FAM13A: variants seen among roughly 807,000 people sequenced by gnomAD.
The protein encoded by FAM13A is protein FAM13A.
Under a neutral mutation model 129.6 loss-of-function variants are expected in FAM13A, and 76 were observed. The observed-to-expected ratio is 0.59, with a 90% CI of 0.49 to 0.71. The LOEUF is 0.71. FAM13A is among the 30% of genes least tolerant of loss of function. The probability of loss-of-function intolerance (pLI) is 0.00; values close to 1 mark genes in which losing one functional copy is unlikely to be tolerated. For synonymous variants in FAM13A, 443 were observed against 449.9 expected (o/e 0.98, Z 0.20); for missense variants, 1,108 against 1,249.3 (o/e 0.89, Z 1.70).
chr4:88,819,309 A>G (rs1337572252), intron 7 of FAM13A, among the ~76,000 whole-genome samples: 2 of 152,240 alleles, frequency 1.3e-5, no homozygotes, highest in Non-Finnish European at 2.9e-5. Flanking sequence ...ATCAATCATC[A>G]GCACTCACAG....
intron 11 of FAM13A, 74 bp downstream of exon 11, chr4:88,781,091 A>G: frequency 9.2e-7 from 1 of 1,089,122 alleles, no homozygotes; most frequent in Non-Finnish European, 1.3e-6. Flanking sequence ...AATTACTTTT[A>G]ATTTTTTTAC....
At chr4:88,777,163 G>A (rs1226250016) in intron 11 of FAM13A, among the ~76,000 whole-genome samples, 1 of 152,176 alleles carries the variant, frequency 6.6e-6, no homozygotes, top group Non-Finnish European at 1.5e-5. Flanking sequence ...AGCCAATAGA[G>A]AGGAAGTGTG....
chr4:88,966,497 T>C (rs927609247), intron 4 of FAM13A, among the ~76,000 whole-genome samples: 15 of 152,196 alleles, frequency 9.9e-5, no homozygotes, highest in African/African-American at 3.6e-4. Flanking sequence ...AGCAGAACCA[T>C]GGTTAATCCT....
chr4:88,951,525 G>C (rs1756949556), intron 4 of FAM13A, among the ~76,000 whole-genome samples: 1 of 152,098 alleles, frequency 6.6e-6, no homozygotes, highest in African/African-American at 2.4e-5. Flanking sequence ...TTTACCAAAG[G>C]TGATTAGGAT....
intron 2 of FAM13A, among the ~76,000 whole-genome samples, chr4:89,024,431 T>C (rs1767671201): frequency 6.6e-6 from 1 of 152,218 alleles, no homozygotes; most frequent in African/African-American, 2.4e-5. Context: ...ATCCAAAATC[T>C]GCTTAAAGGG....
rs1253094568 is a variant in FAM13A at position 88,843,904 on chromosome 4, A to G, written c.1007+7116T>C. 2.0e-5 allele frequency among the ~76,000 whole-genome samples: 3 copies of G among 152,304 alleles called. No individual in the cohort carries two copies. The East Asian group carries it at 5.8e-4, about 29-fold the overall frequency. ...GCACGGCTGTCCTGGCTTCTGTAGT[A>G]TCTCTAAGGGTGGGCAGTACAGGGT... On this transcript the variant is annotated intron_variant, in intron 7 of 23. Transcript: ENST00000264344.
chr4:88,877,674 T>G (rs1005418262), intron 6 of FAM13A, among the ~76,000 whole-genome samples: 2 of 152,228 alleles, frequency 1.3e-5, no homozygotes, highest in Admixed American at 1.3e-4. Flanking sequence ...GGTTTTTGCT[T>G]TGTTGCAATG....
chr4:88,977,351 A>G (rs1040443476), intron 4 of FAM13A, among the ~76,000 whole-genome samples: 1 of 152,178 alleles, frequency 6.6e-6, no homozygotes, highest in Non-Finnish European at 1.5e-5. Context: ...GAAGCCATAG[A>G]AAGTGAAACT....
At chr4:88,807,355 G>A (rs1417915140) in intron 7 of FAM13A, among the ~76,000 whole-genome samples, 1 of 151,940 alleles carries the variant, frequency 6.6e-6, no homozygotes, top group Non-Finnish European at 1.5e-5. Flanking sequence ...TTATGACTGC[G>A]GGCCAGATCC....
intron 5 of FAM13A, chr4:88,937,532 T>C (rs1754039394): frequency 6.6e-6 from 1 of 152,660 alleles, no homozygotes; most frequent in South Asian, 2.1e-4. Context: ...GGGTATATTA[T>C]AAAATTATCA....
At chr4:88,959,956 C>T (rs2148910082) in intron 4 of FAM13A, among the ~76,000 whole-genome samples, 1 of 152,268 alleles carries the variant, frequency 6.6e-6, no homozygotes, top group Admixed American at 6.5e-5. Flanking sequence ...CATCCTTACC[C>T]TTCCATTATA....
At chr4:88,941,809 GT>G (rs1754803469) in intron 4 of FAM13A, among the ~76,000 whole-genome samples, 1 of 152,212 alleles carries the variant, frequency 6.6e-6, no homozygotes, top group Admixed American at 6.5e-5. Context: ...CCAACAGGTA[GT>G]TTGTGCTATG....
At chr4:88,831,778 A>G (rs1159709352) in intron 7 of FAM13A, among the ~76,000 whole-genome samples, 1 of 152,234 alleles carries the variant, frequency 6.6e-6, no homozygotes, top group East Asian at 1.9e-4. Flanking sequence ...TCTCATGTTC[A>G]TGGATAGGAA....
chr4:89,045,345 A>G (rs1770713349), intron 1 of FAM13A, among the ~76,000 whole-genome samples: 2 of 152,176 alleles, frequency 1.3e-5, no homozygotes, highest in African/African-American at 4.8e-5. Flanking sequence ...GATATAATGA[A>G]ACATTTTTAG....
In FAM13A at chr4:88,747,647, C is replaced by A. The variant is rs74387785; in HGVS notation, c.2366G>T (p.Arg789Leu). ...TGATCGCACCTTAATGTCCTCAGGG[C>A]GGCTGCTTTCCGCTCGCTTCTCCTG... ...KLQEKRAESS[R>L]PEDIKDMTKD... The change falls in exon 18 of 24, where the codon CGC becomes CTC. Residue 789 changes from arginine to leucine, a missense_variant. This residue lies in a region of FAM13A where 529 missense variants were observed against 621.2 expected (regional missense o/e 0.85). Transcript: ENST00000264344. The A allele has an allele frequency of 1.1e-5, 18 of 1,613,918 alleles. No individual in the cohort carries two copies. Among genetic ancestry groups the A allele is most frequent in the Non-Finnish European group, 1.5e-5 (18 of 1,179,910 alleles).
intron 23 of FAM13A, 55 bp from the exon 24 acceptor site, chr4:88,728,714 T>TA: frequency 6.3e-7 from 1 of 1,596,110 alleles, no homozygotes; most frequent in Admixed American, 1.7e-5. Flanking sequence ...CTTTGCTAGA[T>TA]ACTATTCATC....
chr4:88,880,795 G>A (rs935269077), intron 6 of FAM13A, among the ~76,000 whole-genome samples: 1 of 130,530 alleles, frequency 7.7e-6, no homozygotes, highest in Non-Finnish European at 1.7e-5. Flanking sequence ...GGGGGGGGGG[G>A]GGCACAGTGG....
chr4:88,727,650 G>C lies in FAM13A; in HGVS notation c.*883C>G, dbSNP rs891530103. On this transcript the variant is annotated 3_prime_UTR_variant, in exon 24 of 24. Coordinates refer to ENST00000264344, the MANE Select transcript of FAM13A (RefSeq NM_014883.4). The stretch of plus-strand genomic sequence containing the variant: ...ACTTAAGCCCCTTTATGTTTGGCTA[G>C]TGCCACAACAAAACAGCCCCAAACA... The C allele has an allele frequency of 2.6e-5, 4 of 152,296 alleles. No individual in the cohort carries two copies. The highest frequency in any genetic ancestry group is 6.5e-5 in the Admixed American group (1 of 15,274). The allele number at this position is 152,296 out of a possible 1,614,324, so 9.4% of individuals were successfully genotyped here.
At chr4:89,050,191 C>T (rs2670630) in intron 1 of FAM13A, among the ~76,000 whole-genome samples, 91,275 of 151,838 alleles carry the variant, frequency 0.6, 28,087 homozygotes, top group Middle Eastern at 0.69. Context: ...AAACTCATGT[C>T]CTTTCTTTCC....
Sources: gnomAD v4.1 joint callset for allele counts (sites outside exome capture counted in the v4.1 genomes callset) on GRCh38, gnomAD v4.1.1 for gene constraint, gnomAD v4.1.1 regional missense constraint, MANE v1.5 for transcripts, NCBI Gene and HGNC (gene_info 2026-07-23, HGNC 2026-07-21) for gene names.